SMARCA2: variants seen among roughly 807,000 people sequenced by gnomAD.
The protein encoded by SMARCA2 is SWI/SNF-related matrix-associated actin-dependent regulator of chromatin subfamily A member 2.
In SMARCA2, 61 loss-of-function variants were observed where a neutral mutation model predicts 199.8. That is an observed-to-expected ratio of 0.31 (90% CI 0.25 to 0.38). SMARCA2 has a LOEUF of 0.38. Ranked by LOEUF, SMARCA2 falls within the 10% of genes least tolerant of loss-of-function variation. SMARCA2 has a pLI of 1.00. For synonymous variants in SMARCA2, 935 were observed against 732.0 expected, an observed-to-expected ratio of 1.28 and a Z score of -4.48; for missense variants, 1,344 against 2,012.2, an observed-to-expected ratio of 0.67 and a Z score of 6.35.
chr9:2,154,741 T>C (rs749077459), intron 27 of SMARCA2, among the ~76,000 whole-genome samples: 104 of 152,240 alleles, frequency 6.8e-4, no homozygotes, highest in Non-Finnish European at 9.6e-4. Context: ...CTCTTAATAG[T>C]TGTATTTTAT....
intron 27 of SMARCA2, among the ~76,000 whole-genome samples, chr9:2,152,306 C>G (rs1353896078): frequency 6.6e-6 from 1 of 152,096 alleles, no homozygotes; most frequent in Non-Finnish European, 1.5e-5. Context: ...AATCCCAGCA[C>G]TTTGGGTGGC....
chr9:2,120,983 A>G (rs1421147723), intron 26 of SMARCA2, among the ~76,000 whole-genome samples: 1 of 152,192 alleles, frequency 6.6e-6, no homozygotes, highest in East Asian at 1.9e-4. Flanking sequence ...TCCTTGAAGA[A>G]CTAATTAAAA....
chr9:2,118,569 C>T (rs957445721), intron 25 of SMARCA2, among the ~76,000 whole-genome samples: 9 of 152,030 alleles, frequency 5.9e-5, no homozygotes, highest in African/African-American at 9.7e-5. Flanking sequence ...TGAAATTCCC[C>T]GTTTGATTTC....
At chr9:2,046,445 G>A (rs112707071) in intron 4 of SMARCA2, among the ~76,000 whole-genome samples, 62 of 152,268 alleles carry the variant, frequency 4.1e-4, no homozygotes, top group African/African-American at 1.4e-3. Context: ...GGTGGAATGA[G>A]CAGATTTTTT....
chr9:2,043,198 T>C (rs1322846367), intron 4 of SMARCA2: 1 of 152,232 alleles, frequency 6.6e-6, no homozygotes, highest in Non-Finnish European at 1.5e-5. Flanking sequence ...GTTATTCATG[T>C]GTGAAGAGAA....
chr9:2,134,321 C>T (rs1021776273), intron 27 of SMARCA2, among the ~76,000 whole-genome samples: 3 of 152,202 alleles, frequency 2.0e-5, no homozygotes, highest in African/African-American at 7.2e-5. Flanking sequence ...CCAGCTTGTA[C>T]TCATTCAGCC....
chr9:2,097,499 T>A, intron 21 of SMARCA2, 28 bp downstream of exon 21: 1 of 1,372,206 alleles, frequency 7.3e-7, no homozygotes, highest in Non-Finnish European at 1.0e-6. Flanking sequence ...GTTTTGAGCC[T>A]GATTGTGCTA....
At position 2,053,497 on chromosome 9, in the gene SMARCA2, G is replaced by T. The variant is rs569719022; in HGVS notation, c.1047-1100G>T. Among the ~76,000 whole-genome samples the T allele has an allele frequency of 2.0e-5, 3 of 152,212 alleles. No individual in the cohort carries two copies. The East Asian group carries it at 5.8e-4, about 29-fold the overall frequency. On this transcript the variant is annotated intron_variant, in intron 5 of 33. Coordinates refer to ENST00000349721, the MANE Select transcript of SMARCA2 (RefSeq NM_003070.5). ...TACTAGCTCTGTGGTATCTCCAGGT[G>T]TCTTCAGTTTTCCTCATCAGCAAAA...
chr9:2,184,462 T>C (rs1827285248), intron 31 of SMARCA2, among the ~76,000 whole-genome samples: 1 of 151,676 alleles, frequency 6.6e-6, no homozygotes, highest in East Asian at 1.9e-4. Flanking sequence ...AAGCAATTCT[T>C]CTGCCTCACC....
intron 21 of SMARCA2, among the ~76,000 whole-genome samples, chr9:2,098,502 C>T (rs531520866): frequency 3.9e-5 from 6 of 152,282 alleles, no homozygotes; most frequent in African/African-American, 7.2e-5. Flanking sequence ...CACTGCTATT[C>T]AAGGAGTCCA....
chr9:2,038,957 G>A lies in SMARCA2; in HGVS notation c.356-509G>A, dbSNP rs375958970. Among the ~76,000 whole-genome samples, 65 of 152,222 alleles carry A rather than the reference G, an allele frequency of 4.3e-4. No individual in the cohort carries two copies. In the South Asian group the frequency reaches 0.012, roughly 29 times the overall value. On this transcript the variant is annotated intron_variant, in intron 3 of 33. Transcript: ENST00000349721. ...TTGAGATATATCAGGTTATGTTCTC[G>A]CAGTTGGAGCTACTTTTACCATTCA...
intron 29 of SMARCA2, among the ~76,000 whole-genome samples, chr9:2,178,018 G>T (rs1826739737): frequency 6.8e-6 from 1 of 146,908 alleles, no homozygotes; most frequent in Admixed American, 6.7e-5. Context: ...GAGGTAATGA[G>T]GAAAAAAAAA....
chr9:2,170,582 C>G lies in SMARCA2; in HGVS notation c.4253+110C>G. ...TGGAAGCAAATTTCTTCGGTCACCTCCTGATCACCCCTACTTGGAGAGCGG... is the reference window on the plus strand; with the variant it reads ...TGGAAGCAAATTTCTTCGGTCACCTGCTGATCACCCCTACTTGGAGAGCGG... On this transcript the variant is annotated intron_variant, in intron 29 of 33. Coordinates refer to ENST00000349721, the MANE Select transcript of SMARCA2 (RefSeq NM_003070.5). The surrounding 1 kb of genome is among the most constrained non-coding windows in gnomAD (Gnocchi z 4.7). 1.9e-6 allele frequency: 3 copies of G among 1,544,890 alleles called. No homozygotes were observed. The highest frequency in any genetic ancestry group is 2.7e-6 in the Non-Finnish European group (3 of 1,128,030).
chr9:2,016,728 C>G lies in SMARCA2; in HGVS notation c.-37+1324C>G, dbSNP rs985976093. On this transcript the variant is annotated intron_variant, in intron 1 of 33. Coordinates refer to ENST00000349721, the MANE Select transcript of SMARCA2 (RefSeq NM_003070.5). This position sits in a 1 kb window ranked among gnomAD's most constrained non-coding sequence, Gnocchi z 5.6. ...AGACCGGGTAGGAGCCTCCTCCCAA[C>G]GATGACACGCACTCCTTCCTTCTCG... Among the ~76,000 whole-genome samples the G allele has an allele frequency of 1.3e-5, 2 of 152,132 alleles. No homozygotes were observed. Among genetic ancestry groups the G allele is most frequent in the African/African-American group, 4.8e-5 (2 of 41,438 alleles).
At chr9:2,043,509 G>A (rs1344076341) in intron 4 of SMARCA2, 1 of 152,172 alleles carries the variant, frequency 6.6e-6, no homozygotes, top group Non-Finnish European at 1.5e-5. Context: ...TGGGGTTTTT[G>A]AGGGGTGAGG....
rs909133423 is a variant in SMARCA2, at chr9:2,016,248, G to A, written c.-37+844G>A. The A allele has an allele frequency of 2.0e-5, 3 of 152,350 alleles. No individual in the cohort carries two copies. The highest frequency in any genetic ancestry group is 4.4e-5 in the Non-Finnish European group (3 of 68,158). 9.4% of individuals were successfully genotyped at this position (152,350 alleles called of 1,614,324 possible). On this transcript the variant is annotated intron_variant, in intron 1 of 33. Transcript: ENST00000349721. This position sits in a 1 kb window ranked among gnomAD's most constrained non-coding sequence, Gnocchi z 5.6. ...CCTTTAGGCAAAGGGGCTGCCAGGGGGCTGCGCCCCGGGCGCTGCGGACGT... is the reference window on the plus strand; with the variant it reads ...CCTTTAGGCAAAGGGGCTGCCAGGGAGCTGCGCCCCGGGCGCTGCGGACGT...
chr9:2,179,737 A>G (rs1035092365), intron 29 of SMARCA2, among the ~76,000 whole-genome samples: 2 of 152,198 alleles, frequency 1.3e-5, no homozygotes, highest in Non-Finnish European at 2.9e-5. Flanking sequence ...CTCCATCAAT[A>G]GAAACATGAC....
chr9:2,174,881 T>C (rs1270375144), intron 29 of SMARCA2, among the ~76,000 whole-genome samples: 1 of 127,360 alleles, frequency 7.9e-6, no homozygotes, highest in African/African-American at 3.2e-5. Flanking sequence ...GCCCTGATCG[T>C]GCTACTGCAG....
intron 13 of SMARCA2, among the ~76,000 whole-genome samples, chr9:2,077,419 A>C (rs912210012): frequency 6.6e-6 from 1 of 152,218 alleles, no homozygotes; most frequent in African/African-American, 2.4e-5. Flanking sequence ...CTCCACCTGC[A>C]TAAAATGGGG....
Sources: allele counts gnomAD v4.1 joint callset (sites outside exome capture counted in the v4.1 genomes callset), GRCh38; gene constraint gnomAD v4.1.1; non-coding constraint Gnocchi (gnomAD v3.1); transcripts MANE v1.5; gene names NCBI Gene and HGNC (gene_info 2026-07-23, HGNC 2026-07-21).